Variants in SCAF8 observed in about 807,000 individuals in gnomAD.
The protein encoded by SCAF8 is SR-related and CTD-associated factor 8.
Under a neutral mutation model 140.5 loss-of-function variants are expected in SCAF8, and 23 were observed. The observed-to-expected ratio is 0.16, with a 90% CI of 0.12 to 0.23. SCAF8 has a LOEUF of 0.23. Among genes scored for constraint, SCAF8 ranks in the 10% least tolerant of loss-of-function variants. SCAF8 has a pLI of 1.00. For missense variants in SCAF8, 1,397 were observed against 1,555.7 expected, an observed-to-expected ratio of 0.90 and a Z score of 1.72; for synonymous variants, 575 against 528.9, an observed-to-expected ratio of 1.09 and a Z score of -1.20.
intron 3 of SCAF8, among the ~76,000 whole-genome samples, chr6:154,779,781 GTATATA>G (rs59234248): frequency 0.22 from 31,602 of 144,078 alleles, 3,822 homozygotes; most frequent in East Asian, 0.56. Flanking sequence ...GTGTGTGTGT[GTATATA>G]TATATATATA....
chr6:154,755,651 A>G (rs1271585780), intron 1 of SCAF8, among the ~76,000 whole-genome samples: 1 of 152,164 alleles, frequency 6.6e-6, no homozygotes, highest in African/African-American at 2.4e-5. Flanking sequence ...TTCCTGAGCT[A>G]TGGATTTGAG....
chr6:154,770,118 C>A (rs575917069), intron 1 of SCAF8, among the ~76,000 whole-genome samples: 4 of 152,202 alleles, frequency 2.6e-5, no homozygotes, highest in Admixed American at 2.0e-4. Flanking sequence ...ATCTTAACTT[C>A]AAGAGTTTAA....
chr6:154,805,405 T>G lies in SCAF8; in HGVS notation c.900T>G (p.Phe300Leu). ...HVSESVNNSI[F>L]HQIAEQLQQQ... The stretch of plus-strand genomic sequence containing the variant: ...CAGAATCTGTGAACAATTCCATTTT[T>G]CATCAGATAGCAGAACAACTACAAC... Residue 300 changes from phenylalanine (F) to leucine (L), a missense_variant, in exon 9 of 20, where the codon TTT becomes TTG. Around this residue, in one of 5 missense-constraint regions of SCAF8, gnomAD observed 339 missense variants for 407.5 expected, o/e 0.83. Transcript: ENST00000367178. 1 of 1,611,904 alleles carries G rather than the reference T, an allele frequency of 6.2e-7. No individual in the cohort carries two copies. Among genetic ancestry groups the G allele is most frequent in the Non-Finnish European group, 8.5e-7 (1 of 1,178,498 alleles).
At chr6:154,818,032 C>G (rs1259940508) in intron 13 of SCAF8, among the ~76,000 whole-genome samples, 1 of 152,038 alleles carries the variant, frequency 6.6e-6, no homozygotes, top group Non-Finnish European at 1.5e-5. Flanking sequence ...AAAGAAGAAT[C>G]CTCTTTGCAT....
At chr6:154,759,374 C>T (rs1301107544) in intron 1 of SCAF8, among the ~76,000 whole-genome samples, 1 of 152,070 alleles carries the variant, frequency 6.6e-6, no homozygotes, top group African/African-American at 2.4e-5. Flanking sequence ...TACAATTTTT[C>T]TTTGTTTCAA....
At position 154,832,964 on chromosome 6, in the gene SCAF8, C is replaced by G. The variant is rs1308872771; in HGVS notation, c.3385C>G (p.Arg1129Gly). 6.2e-7 allele frequency: 1 copy of G among 1,614,040 alleles called. No individual in the cohort carries two copies. Residue 1129 changes from arginine (R) to glycine (G), a missense_variant, in exon 20 of 20, where the codon CGA becomes GGA. Arg to Gly is a moderately radical substitution (Grantham distance 125). Coordinates refer to ENST00000367178, the MANE Select transcript of SCAF8 (RefSeq NM_014892.5). Reference protein sequence around the residue: ...ERGRFRSGNYRFDPRSGPWNR... With the variant: ...ERGRFRSGNYGFDPRSGPWNR... ...AGGTAGATTTCGGTCTGGAAACTAT[C>G]GATTTGATCCTAGAAGTGGTCCTTG...
chr6:154,808,730 C>T lies in SCAF8; in HGVS notation c.1158C>T (p.Val386=), dbSNP rs1374316233. ...DEGQDGVEEE[V]FEQEAKKVAV... is the part of the protein sequence containing the mutation. ...GGCAAGATGGAGTGGAAGAGGAGGT[C>T]TTTGAACAAGAAGCTAAGAAAGTGG... Residue 386 remains valine (V), a synonymous_variant, in exon 11 of 20, where the codon GTC becomes GTT. Transcript: ENST00000367178. The T allele has an allele frequency of 6.2e-7, 1 of 1,613,682 alleles. No individual in the cohort carries two copies. Among genetic ancestry groups the T allele is most frequent in the East Asian group, 2.2e-5 (1 of 44,870 alleles).
At chr6:154,800,011 C>T (rs1304005570) in intron 6 of SCAF8, among the ~76,000 whole-genome samples, 1 of 151,226 alleles carries the variant, frequency 6.6e-6, no homozygotes, top group African/African-American at 2.4e-5. Context: ...GTCTCAAACT[C>T]CTGACTTTAA....
Position 154,771,558 on chromosome 6 carries a change from G to A in SCAF8, c.31-2431G>A, listed in dbSNP as rs571606106. 2.8e-3 allele frequency among the ~76,000 whole-genome samples: 429 copies of A among 152,264 alleles called. 3 individuals are homozygous for A. The highest frequency in any genetic ancestry group is 0.01 in the African/African-American group (419 of 41,536). On this transcript the variant is annotated intron_variant, in intron 1 of 19. Transcript: ENST00000367178. Reference sequence around the variant, plus strand: ...GGCATCGACCATTTTAAGGGGGGTGGGTAGTAGGAGTGGGTGAGTGTCAGT... The same window carrying A: ...GGCATCGACCATTTTAAGGGGGGTGAGTAGTAGGAGTGGGTGAGTGTCAGT...
intron 6 of SCAF8, among the ~76,000 whole-genome samples, chr6:154,796,371 C>T (rs559644190): frequency 7.3e-6 from 1 of 137,622 alleles, no homozygotes; most frequent in Non-Finnish European, 1.5e-5. Context: ...CTCTCTCTCT[C>T]TCTCTCTCTC....
intron 1 of SCAF8, among the ~76,000 whole-genome samples, chr6:154,744,864 C>T (rs976020214): frequency 4.6e-5 from 7 of 152,188 alleles, no homozygotes; most frequent in African/African-American, 1.7e-4. Context: ...CTTACTGTCT[C>T]TTCACATACA....
At chr6:154,818,714 C>T (rs1778325972) in intron 14 of SCAF8, 122 bp downstream of exon 14, 1 of 472,090 alleles carries the variant, frequency 2.1e-6, no homozygotes, top group African/African-American at 2.0e-5. Context: ...ATTAGAATGT[C>T]TCTGTATTAT....
intron 1 of SCAF8, 26 bp downstream of exon 1, chr6:154,733,956 G>T (rs373747977): frequency 2.6e-6 from 4 of 1,518,488 alleles, no homozygotes; most frequent in Non-Finnish European, 3.5e-6. Context: ...GGGTTCCCCT[G>T]CTCCTGCCCG....
intron 3 of SCAF8, among the ~76,000 whole-genome samples, chr6:154,783,717 G>A (rs1337867631): frequency 6.6e-6 from 1 of 152,138 alleles, no homozygotes; most frequent in Non-Finnish European, 1.5e-5. Flanking sequence ...TCAAAGAAGC[G>A]AAACATTTAT....
At chr6:154,788,626 T>C (rs1777323169) in intron 4 of SCAF8, among the ~76,000 whole-genome samples, 1 of 152,186 alleles carries the variant, frequency 6.6e-6, no homozygotes, top group Admixed American at 6.5e-5. Context: ...TGAAACTTAT[T>C]CACACACACA....
chr6:154,733,430 A>G lies in SCAF8; in HGVS notation c.-471A>G. 1 of 1,401,490 alleles carries G rather than the reference A, an allele frequency of 7.1e-7. No individual in the cohort carries two copies. Among genetic ancestry groups the G allele is most frequent in the Non-Finnish European group, 9.3e-7 (1 of 1,077,738 alleles). The allele number at this position is 1,401,490 out of a possible 1,614,324, so 86.8% of individuals were successfully genotyped here. A position where few individuals can be genotyped will look rare whatever the true frequency, so the allele number is the denominator to read the frequency against. On this transcript the variant is annotated 5_prime_UTR_variant, in exon 1 of 20. Coordinates refer to ENST00000367178, the MANE Select transcript of SCAF8 (RefSeq NM_014892.5). ...TCGAGTCCGCCATATTGGATGCCGCAGCCGCTGCTGCCAGCGCTTCCTCCT... is the reference window on the plus strand; with the variant it reads ...TCGAGTCCGCCATATTGGATGCCGCGGCCGCTGCTGCCAGCGCTTCCTCCT...
chr6:154,741,001 A>G (rs2114791300), intron 1 of SCAF8, among the ~76,000 whole-genome samples: 1 of 152,288 alleles, frequency 6.6e-6, no homozygotes. Context: ...ATTTCTGAAC[A>G]TCTGGTTATT....
chr6:154,790,665 C>T (rs550176333), intron 4 of SCAF8, among the ~76,000 whole-genome samples: 98 of 151,886 alleles, frequency 6.5e-4, no homozygotes, highest in South Asian at 2.7e-3. Context: ...CGCCCACCAC[C>T]ACGCCTGGCT....
At chr6:154,799,301 C>A (rs1204690868) in intron 6 of SCAF8, among the ~76,000 whole-genome samples, 1 of 150,984 alleles carries the variant, frequency 6.6e-6, no homozygotes, top group Non-Finnish European at 1.5e-5. Context: ...TATATAGAGA[C>A]AGGATGTCAC....
Sources: gnomAD v4.1 joint callset for allele counts (sites outside exome capture counted in the v4.1 genomes callset) on GRCh38, gnomAD v4.1.1 for gene constraint, gnomAD v4.1.1 regional missense constraint, MANE v1.5 for transcripts, NCBI Gene and HGNC (gene_info 2026-07-23, HGNC 2026-07-21) for gene names.